Variants in HUNK observed in about 807,000 individuals in gnomAD.
HUNK encodes hormonally up-regulated Neu-associated kinase, also known as hormonally up-regulated neu tumor-associated kinase.
In HUNK, 21 loss-of-function variants were observed where a neutral mutation model predicts 61.0. That is an observed-to-expected ratio of 0.34 (90% CI 0.24 to 0.50). The LOEUF is 0.50. HUNK is among the 20% of genes least tolerant of loss of function. HUNK has a pLI of 0.98. For missense variants in HUNK, 772 were observed against 945.7 expected, an observed-to-expected ratio of 0.82 and a Z score of 2.41; for synonymous variants, 371 against 386.1, an observed-to-expected ratio of 0.96 and a Z score of 0.46.
chr21:31,886,374 C>G (rs980034787), intron 1 of HUNK, among the ~76,000 whole-genome samples: 3 of 148,768 alleles, frequency 2.0e-5, no homozygotes, highest in African/African-American at 7.5e-5. Flanking sequence ...TGCAGCGAGC[C>G]GAGATTGCGC....
intron 6 of HUNK, among the ~76,000 whole-genome samples, chr21:31,971,225 C>A (rs1034691645): frequency 3.3e-5 from 5 of 152,002 alleles, no homozygotes; most frequent in African/African-American, 1.2e-4. Flanking sequence ...ATTAGTGCCA[C>A]CACGCCCGGC....
chr21:31,917,142 T>G (rs568354282), intron 1 of HUNK, among the ~76,000 whole-genome samples: 1 of 152,176 alleles, frequency 6.6e-6, no homozygotes, highest in Non-Finnish European at 1.5e-5. Context: ...TGGTGGTGTT[T>G]GTTTGGCAGG....
At chr21:31,972,931 C>T (rs12482657) in intron 6 of HUNK, among the ~76,000 whole-genome samples, 24,581 of 151,844 alleles carry the variant, frequency 0.16, 2,528 homozygotes, top group East Asian at 0.3. Flanking sequence ...CCCTGCCAAC[C>T]GGCCGTGTGC....
intron 4 of HUNK, among the ~76,000 whole-genome samples, chr21:31,956,689 G>A (rs555259930): frequency 4.8e-4 from 73 of 152,098 alleles, no homozygotes; most frequent in Non-Finnish European, 8.2e-4. Context: ...TCTCCACTGC[G>A]TCTTTGCCTT....
intron 1 of HUNK, among the ~76,000 whole-genome samples, chr21:31,903,922 A>G (rs1162793215): frequency 2.0e-5 from 3 of 152,214 alleles, no homozygotes; most frequent in Admixed American, 6.5e-5. Context: ...GTTTTCTGAT[A>G]GCTGATTTAG....
At chr21:31,944,891 A>T (rs2123830421) in intron 3 of HUNK, among the ~76,000 whole-genome samples, 1 of 152,314 alleles carries the variant, frequency 6.6e-6, no homozygotes, top group East Asian at 1.9e-4. Flanking sequence ...ATCTTGATCC[A>T]TGGTGTGCAA....
At chr21:31,979,792 G>A (rs532510006) in intron 7 of HUNK, among the ~76,000 whole-genome samples, 11 of 152,222 alleles carry the variant, frequency 7.2e-5, no homozygotes, top group South Asian at 2.1e-4. Context: ...TGGGATTACA[G>A]GCATAAGCCA....
At chr21:31,883,945 C>T (rs1197654375) in intron 1 of HUNK, among the ~76,000 whole-genome samples, 1 of 152,110 alleles carries the variant, frequency 6.6e-6, no homozygotes, top group Non-Finnish European at 1.5e-5. Flanking sequence ...GCAACCATGA[C>T]CCTGGAGTAA....
At chr21:31,968,189 T>C in intron 5 of HUNK, 61 bp from the exon 6 acceptor site, 2 of 1,604,756 alleles carry the variant, frequency 1.2e-6, no homozygotes, top group South Asian at 2.2e-5. Flanking sequence ...TGATGGTGGC[T>C]TTCACTGGTG....
intron 2 of HUNK, among the ~76,000 whole-genome samples, chr21:31,934,504 T>C (rs925603088): frequency 6.6e-6 from 1 of 152,014 alleles, no homozygotes; most frequent in African/African-American, 2.4e-5. Flanking sequence ...TCACCCCTTT[T>C]AAAACTTTCA....
intron 1 of HUNK, among the ~76,000 whole-genome samples, chr21:31,885,971 T>A (rs1261384934): frequency 6.6e-6 from 1 of 152,156 alleles, no homozygotes. Flanking sequence ...GACCTCGTGA[T>A]CCACCCGTCT....
At chr21:31,956,914 C>A (rs1223836259) in intron 4 of HUNK, among the ~76,000 whole-genome samples, 1 of 152,190 alleles carries the variant, frequency 6.6e-6, no homozygotes, top group Non-Finnish European at 1.5e-5. Context: ...GGAAATGCCA[C>A]CCAAATAGCT....
At chr21:31,947,166 T>G (rs1167182642) in intron 4 of HUNK, among the ~76,000 whole-genome samples, 3 of 147,416 alleles carry the variant, frequency 2.0e-5, no homozygotes, top group Admixed American at 1.3e-4. Flanking sequence ...CATTCCCACA[T>G]CCCAGGCTCA....
chr21:31,922,867 C>A (rs1601380287), intron 1 of HUNK, among the ~76,000 whole-genome samples: 1 of 152,106 alleles, frequency 6.6e-6, no homozygotes, highest in Non-Finnish European at 1.5e-5. Flanking sequence ...GAAACAGGTA[C>A]AAAATGTAAT....
In HUNK at chr21:31,999,055, A is replaced by G. The variant is rs768881584; in HGVS notation, c.2016A>G (p.Leu672=). The G allele has an allele frequency of 1.1e-5, 18 of 1,614,098 alleles. No homozygotes were observed. The highest frequency in any genetic ancestry group is 1.4e-5 in the Non-Finnish European group (17 of 1,180,050). The part of the protein sequence containing the change: ...RFPMMGIGQM[L]RKRHQSLQPS... ...CTATGATGGGCATCGGACAGATGTT[A>G]AGGAAGCGCCATCAGAGTCTGCAGC... is the stretch of plus-strand genomic sequence containing the variant. The change falls in exon 11 of 11, where the codon TTA becomes TTG. Residue 672 remains leucine, a synonymous_variant. Coordinates refer to ENST00000270112, the MANE Select transcript of HUNK (RefSeq NM_014586.2).
intron 1 of HUNK, among the ~76,000 whole-genome samples, chr21:31,878,543 T>C (rs1421917847): frequency 6.6e-6 from 1 of 152,012 alleles, no homozygotes; most frequent in Non-Finnish European, 1.5e-5. Flanking sequence ...GAGACCAGCC[T>C]GGCCAACATG....
At chr21:31,940,095 T>C (rs1050490626) in intron 2 of HUNK, 70 bp from the exon 3 acceptor site, 1 of 1,312,610 alleles carries the variant, frequency 7.6e-7, no homozygotes, top group East Asian at 2.4e-5. Flanking sequence ...TCATTTCCCT[T>C]CAGAAGCAAA....
At position 31,974,621 on chromosome 21, in the gene HUNK, C is replaced by T. The variant is rs1462841582; in HGVS notation, c.1077C>T (p.Asn359=). ...TGACCGAGAAGCTGGGTTACAAGAA[C>T]AGCGACGTGATCAACACTGTGCTCT... The part of the protein sequence containing the change: ...LHMTEKLGYK[N]SDVINTVLSN... Residue 359 remains asparagine, a synonymous_variant, in exon 7 of 11, where the codon AAC becomes AAT. Transcript: ENST00000270112. 1 of 1,613,970 alleles carries T rather than the reference C, an allele frequency of 6.2e-7. No homozygotes were observed. Among genetic ancestry groups the T allele is most frequent in the Non-Finnish European group, 8.5e-7 (1 of 1,179,976 alleles).
At chr21:31,911,936 T>TC (rs11451987) in intron 1 of HUNK, among the ~76,000 whole-genome samples, 152,265 of 152,274 alleles carry the variant, frequency 1, 76,128 homozygotes, top group Middle Eastern at 1. Flanking sequence ...GGGACGATAG[T>TC]CACTGCCTTG....
Sources: allele counts gnomAD v4.1 joint callset (sites outside exome capture counted in the v4.1 genomes callset), GRCh38; gene constraint gnomAD v4.1.1; transcripts MANE v1.5; gene names NCBI Gene and HGNC (gene_info 2026-07-23, HGNC 2026-07-21).